FSTL5: variants seen among roughly 807,000 people sequenced by gnomAD.
The protein encoded by FSTL5 is follistatin-related protein 5.
Under a neutral mutation model 89.1 loss-of-function variants are expected in FSTL5, and 62 were observed. The observed-to-expected ratio is 0.70, with a 90% confidence interval of 0.57 to 0.86. The LOEUF is 0.86. FSTL5 is among the 40% of genes least tolerant of loss of function. The pLI is 0.00. For synonymous variants in FSTL5, 383 were observed against 346.2 expected (o/e 1.11, Z -1.18); for missense variants, 1,057 against 1,001.6 (o/e 1.06, Z -0.75).
intron 15 of FSTL5, among the ~76,000 whole-genome samples, chr4:161,407,453 C>A (rs555429478): frequency 2.0e-4 from 30 of 152,262 alleles, no homozygotes; most frequent in Non-Finnish European, 3.2e-4. Flanking sequence ...GCATGAGATG[C>A]CTGAACACTA....
At chr4:161,878,684 C>A (rs186019578) in intron 4 of FSTL5, among the ~76,000 whole-genome samples, 1 of 151,820 alleles carries the variant, frequency 6.6e-6, no homozygotes, top group African/African-American at 2.4e-5. Flanking sequence ...AATAGAATAT[C>A]CCTAGTAGCC....
intron 6 of FSTL5, among the ~76,000 whole-genome samples, chr4:161,716,066 C>A (rs749131436): frequency 6.6e-6 from 1 of 152,154 alleles, no homozygotes; most frequent in South Asian, 2.1e-4. Context: ...TATGCCTTGG[C>A]CACCTCTCTG....
intron 1 of FSTL5, among the ~76,000 whole-genome samples, chr4:162,147,536 C>T (rs75029048): frequency 0.14 from 20,969 of 152,058 alleles, 1,969 homozygotes; most frequent in Non-Finnish European, 0.19. Flanking sequence ...CACTCTATTG[C>T]TATAAGAAAA....
chr4:161,988,359 G>A (rs1736023205), intron 3 of FSTL5, among the ~76,000 whole-genome samples: 1 of 152,102 alleles, frequency 6.6e-6, no homozygotes, highest in Admixed American at 6.6e-5. Flanking sequence ...TTAAATAAAA[G>A]TTCATACAGG....
chr4:161,917,227 A>G (rs1362705667), intron 4 of FSTL5, among the ~76,000 whole-genome samples: 2 of 152,198 alleles, frequency 1.3e-5, no homozygotes, highest in African/African-American at 4.8e-5. Context: ...AAGTCCTGGG[A>G]TTGCAGGCAT....
At chr4:161,515,725 A>G (rs1730800214) in intron 10 of FSTL5, among the ~76,000 whole-genome samples, 1 of 151,904 alleles carries the variant, frequency 6.6e-6, no homozygotes, top group Non-Finnish European at 1.5e-5. Context: ...ATTAATTCTA[A>G]CCTAGTACCA....
chr4:161,760,902 G>A (rs1258443264), intron 5 of FSTL5, among the ~76,000 whole-genome samples: 1 of 152,138 alleles, frequency 6.6e-6, no homozygotes, highest in African/African-American at 2.4e-5. Flanking sequence ...ATGTCTGAGT[G>A]TAGATAGACT....
intron 2 of FSTL5, among the ~76,000 whole-genome samples, chr4:162,037,446 G>A (rs1327621063): frequency 1.3e-5 from 2 of 151,882 alleles, no homozygotes; most frequent in Non-Finnish European, 2.9e-5. Context: ...GCGAGAGTAG[G>A]TGAGAAGAAT....
chr4:161,755,702 A>G (rs1740546248), intron 6 of FSTL5, among the ~76,000 whole-genome samples: 1 of 152,168 alleles, frequency 6.6e-6, no homozygotes, highest in Non-Finnish European at 1.5e-5. Flanking sequence ...TCTGTCTGAG[A>G]TTATATATTC....
chr4:161,909,586 C>G (rs1229331274), intron 4 of FSTL5, among the ~76,000 whole-genome samples: 1 of 152,118 alleles, frequency 6.6e-6, no homozygotes. Context: ...TTCTCTGTTA[C>G]TTGCAACTGA....
At chr4:161,905,800 G>A (rs1289205149) in intron 4 of FSTL5, among the ~76,000 whole-genome samples, 1 of 152,110 alleles carries the variant, frequency 6.6e-6, no homozygotes, top group Non-Finnish European at 1.5e-5. Flanking sequence ...TTCAGTATGT[G>A]GCTGAGCCTG....
intron 15 of FSTL5, among the ~76,000 whole-genome samples, chr4:161,424,542 A>AG (rs1491035712): frequency 6.7e-6 from 1 of 149,366 alleles, no homozygotes; most frequent in Non-Finnish European, 1.5e-5. Context: ...AAAAAAAAAA[A>AG]ATGGTTTTCT....
At position 162,147,766 on chromosome 4, in the gene FSTL5, G is replaced by C. The variant is rs530067938; in HGVS notation, c.-17+15849C>G. On this transcript the variant is annotated intron_variant, in intron 1 of 15. Transcript: ENST00000306100. ...GGTGGCTCACGCCTGTAATCACAGC[G>C]CTTTGGGTGGCTGAGGTGGGTGGAT... Among the ~76,000 whole-genome samples the C allele has an allele frequency of 2.4e-4, 37 of 152,140 alleles. No homozygotes were observed. The South Asian group carries it at 7.5e-3, about 31-fold the overall frequency.
At chr4:161,594,414 A>G (rs1194198674) in intron 7 of FSTL5, among the ~76,000 whole-genome samples, 2 of 152,124 alleles carry the variant, frequency 1.3e-5, no homozygotes, top group Non-Finnish European at 2.9e-5. Flanking sequence ...CTATGTAGCT[A>G]CCTAGAGAAT....
At chr4:161,734,909 C>T (rs1739735087) in intron 6 of FSTL5, among the ~76,000 whole-genome samples, 1 of 152,040 alleles carries the variant, frequency 6.6e-6, no homozygotes, top group African/African-American at 2.4e-5. Flanking sequence ...TCCCCATGCA[C>T]CAAGAGAGCA....
At chr4:161,937,375 T>G (rs1326644420) in intron 3 of FSTL5, among the ~76,000 whole-genome samples, 3 of 152,102 alleles carry the variant, frequency 2.0e-5, no homozygotes. Flanking sequence ...AATAAAATTA[T>G]TAAAATATTT....
chr4:161,854,469 A>T (rs1731657803), intron 4 of FSTL5, among the ~76,000 whole-genome samples: 1 of 152,176 alleles, frequency 6.6e-6, no homozygotes, highest in Non-Finnish European at 1.5e-5. Flanking sequence ...ATTCACATTC[A>T]TTGGAACAAT....
rs1005572785 is a variant in FSTL5, at chr4:161,568,276, G to A, written c.1015+19179C>T. Among the ~76,000 whole-genome samples, 9 of 152,010 alleles carry A rather than the reference G, an allele frequency of 5.9e-5. 1 individual carries two copies. The South Asian group carries it at 1.2e-3, about 21-fold the overall frequency. On this transcript the variant is annotated intron_variant, in intron 8 of 15. Transcript: ENST00000306100. ...GAAGAAGAGAGTGGTGTTCTTTACCGATCTCCTATATGTGCAACATCTGAT... is the reference window on the plus strand; with the variant it reads ...GAAGAAGAGAGTGGTGTTCTTTACCAATCTCCTATATGTGCAACATCTGAT...
intron 4 of FSTL5, among the ~76,000 whole-genome samples, chr4:161,840,876 A>G (rs963335133): frequency 6.6e-6 from 1 of 152,170 alleles, no homozygotes; most frequent in African/African-American, 2.4e-5. Context: ...GGAAATAAGC[A>G]AGAAATCAAA....
Sources: gnomAD v4.1 joint callset for allele counts (sites outside exome capture counted in the v4.1 genomes callset) on GRCh38, gnomAD v4.1.1 for gene constraint, MANE v1.5 for transcripts, NCBI Gene and HGNC (gene_info 2026-07-23, HGNC 2026-07-21) for gene names.